INPP5D: variants seen among roughly 807,000 people sequenced by gnomAD.
The protein encoded by INPP5D is inositol polyphosphate-5-phosphatase D.
Under a neutral mutation model 122.9 loss-of-function variants are expected in INPP5D, and 33 were observed. The ratio of observed to expected loss-of-function variants is 0.27; its 90% CI spans 0.20 to 0.36. The LOEUF is 0.36. Ranked by LOEUF, INPP5D falls within the 10% of genes least tolerant of loss-of-function variation. The pLI is 1.00. For missense variants in INPP5D, 1,053 were observed against 1,412.7 expected (o/e 0.75, Z 4.08); for synonymous variants, 584 against 576.2 (o/e 1.01, Z -0.19).
chr2:233,175,417 T>A (rs1352453010), intron 17 of INPP5D, among the ~76,000 whole-genome samples: 2 of 152,132 alleles, frequency 1.3e-5, no homozygotes, highest in African/African-American at 4.8e-5. Flanking sequence ...TTATATACGT[T>A]CATATAAATT....
rs1308777478 is a variant in INPP5D, at chr2:233,176,981, AAAGT to A, written c.1990-280_1990-277del. On this transcript the variant is annotated intron_variant, in intron 17 of 26. Coordinates refer to ENST00000445964, the MANE Select transcript of INPP5D (RefSeq NM_001017915.3). ...GTGGGGGTTCATCTGAGTCAGAAAG[AAAGT>A]AAGAGAAGGTGAAGATACAAGGGAT... Among the ~76,000 whole-genome samples, 7 of 152,218 alleles carry A rather than the reference AAAGT, an allele frequency of 4.6e-5. No individual in the cohort carries two copies. In the East Asian group the frequency reaches 9.7e-4, roughly 21 times the overall value.
intron 1 of INPP5D, among the ~76,000 whole-genome samples, chr2:233,073,640 CAAAAAAAAAAAAA>C (rs752382722): frequency 2.3e-5 from 1 of 44,202 alleles, no homozygotes; most frequent in South Asian, 8.3e-4. Context: ...AACTCAATCT[CAAAAAAAAAAAAA>C]AAAAAAAAAA....
intron 25 of INPP5D, among the ~76,000 whole-genome samples, 153 bp downstream of exon 25, chr2:233,198,529 CT>C (rs1695246275): frequency 1.3e-5 from 2 of 152,244 alleles, no homozygotes; most frequent in South Asian, 4.1e-4. Flanking sequence ...CAGCAGGCCC[CT>C]GACATGTATG....
rs1160357196 is a variant in INPP5D at position 233,137,853 on chromosome 2, AATATATATATATATATAT to A, written c.666-1961_666-1944del. ...ATCACAAAAAAAAAAAAAAAAAAAA[AATATATATATATATATAT>A]ATATATATATATATATATATATATA... On this transcript the variant is annotated intron_variant, in intron 5 of 26. Coordinates refer to ENST00000445964, the MANE Select transcript of INPP5D (RefSeq NM_001017915.3). 3.5e-3 allele frequency among the ~76,000 whole-genome samples: 96 copies of A among 27,674 alleles called. 1 individual carries two copies. The highest frequency in any genetic ancestry group is 8.7e-3 in the African/African-American group (70 of 8,014). 18.2% of individuals were successfully genotyped at this position (27,674 alleles called of 152,430 possible).
chr2:233,111,298 A>T (rs1053911443), intron 2 of INPP5D, among the ~76,000 whole-genome samples: 2 of 152,162 alleles, frequency 1.3e-5, no homozygotes, highest in Admixed American at 6.5e-5. Flanking sequence ...AGTCTCAATA[A>T]CAATATATAC....
At position 233,128,276 on chromosome 2, in the gene INPP5D, G is replaced by A. The variant is rs1693221666; in HGVS notation, c.525-2232G>A. On this transcript the variant is annotated intron_variant, in intron 4 of 26. Transcript: ENST00000445964. The surrounding 1 kb of genome is among the most constrained non-coding windows in gnomAD (Gnocchi z 4.5). Reference sequence around the variant, plus strand: ...CCCACCACCCATCCGTGGAATAATTGTCTTCCACAAAACCGGTCCCTTGTG... The same window carrying A: ...CCCACCACCCATCCGTGGAATAATTATCTTCCACAAAACCGGTCCCTTGTG... 6.6e-6 allele frequency among the ~76,000 whole-genome samples: 1 copy of A among 152,172 alleles called. No homozygotes were observed. The highest frequency in any genetic ancestry group is 6.5e-5 in the Admixed American group (1 of 15,268).
chr2:233,134,818 C>A (rs1165077768), intron 5 of INPP5D, among the ~76,000 whole-genome samples: 1 of 152,008 alleles, frequency 6.6e-6, no homozygotes, highest in Non-Finnish European at 1.5e-5. Flanking sequence ...AAACCAAAAC[C>A]AAAAATACTT....
chr2:233,116,248 G>GATAGATAGATAGATATATAGATATAGAT (rs34084880), intron 2 of INPP5D, among the ~76,000 whole-genome samples: 1 of 135,194 alleles, frequency 7.4e-6, no homozygotes, highest in African/African-American at 3.1e-5. Flanking sequence ...TAGATAGATA[G>GATAGATAGATAGATATATAGATATAGAT]ATAGATATAG....
At chr2:233,174,580 C>T (rs1694571119) in intron 17 of INPP5D, among the ~76,000 whole-genome samples, 1 of 152,106 alleles carries the variant, frequency 6.6e-6, no homozygotes, top group African/African-American at 2.4e-5. Flanking sequence ...TCATTTGAGG[C>T]CAGGAGTTTG....
rs1027148174 is a variant in INPP5D at position 233,207,033 on chromosome 2, G to C, written c.*325G>C. 5 of 298,416 alleles carry C rather than the reference G, an allele frequency of 1.7e-5. No individual in the cohort carries two copies. The highest frequency in any genetic ancestry group is 6.6e-5 in the African/African-American group (3 of 45,412). 18.5% of individuals were successfully genotyped at this position (298,416 alleles called of 1,614,324 possible). ...GGAACTGCAGCGCCGATTTGAGGGT[G>C]GAGATATAGATAATAATAATATTAA... On this transcript the variant is annotated 3_prime_UTR_variant, in exon 27 of 27. Transcript: ENST00000445964. This position sits in a 1 kb window ranked among gnomAD's most constrained non-coding sequence, Gnocchi z 4.6.
chr2:233,150,647 CG>C (rs1350431666), intron 9 of INPP5D, among the ~76,000 whole-genome samples: 2 of 152,174 alleles, frequency 1.3e-5, no homozygotes, highest in African/African-American at 4.8e-5. Context: ...GAACTTTTGT[CG>C]GTTTAATGCA....
intron 2 of INPP5D, among the ~76,000 whole-genome samples, chr2:233,107,767 G>A (rs1289984826): frequency 2.6e-5 from 4 of 152,102 alleles, no homozygotes; most frequent in Non-Finnish European, 5.9e-5. Flanking sequence ...CCGGGTGTCT[G>A]GGGTGGGAGT....
chr2:233,101,595 T>C (rs1036164736), intron 2 of INPP5D, among the ~76,000 whole-genome samples: 9 of 146,000 alleles, frequency 6.2e-5, no homozygotes, highest in Non-Finnish European at 1.5e-5. Flanking sequence ...TAAAATCAAT[T>C]AATTATTAAA....
intron 4 of INPP5D, among the ~76,000 whole-genome samples, chr2:233,129,189 TAAATG>T (rs1693249907): frequency 6.6e-6 from 1 of 151,972 alleles, no homozygotes; most frequent in East Asian, 1.9e-4. Context: ...AATAAATAAA[TAAATG>T]AAGGCTTGTA....
At chr2:233,135,497 C>T (rs926745847) in intron 5 of INPP5D, among the ~76,000 whole-genome samples, 1 of 152,048 alleles carries the variant, frequency 6.6e-6, no homozygotes, top group South Asian at 2.1e-4. Context: ...GCCTAAATCT[C>T]TTACAATGTC....
chr2:233,106,081 T>G (rs1692461082), intron 2 of INPP5D, among the ~76,000 whole-genome samples: 1 of 152,322 alleles, frequency 6.6e-6, no homozygotes, highest in Middle Eastern at 3.4e-3. Context: ...AAGTATGTCA[T>G]GAAGTTTCAA....
chr2:233,117,304 C>T (rs1692830417), intron 2 of INPP5D, among the ~76,000 whole-genome samples: 1 of 152,122 alleles, frequency 6.6e-6, no homozygotes, highest in Non-Finnish European at 1.5e-5. Flanking sequence ...CATCGGGGGA[C>T]GCAGGCATTT....
At chr2:233,112,857 C>A (rs1692668761) in intron 2 of INPP5D, among the ~76,000 whole-genome samples, 1 of 152,046 alleles carries the variant, frequency 6.6e-6, no homozygotes, top group African/African-American at 2.4e-5. Flanking sequence ...AGGGTTTCAC[C>A]ATGTTGGCCA....
chr2:233,152,056 G>C (rs1237101853), intron 9 of INPP5D, among the ~76,000 whole-genome samples: 2 of 152,232 alleles, frequency 1.3e-5, no homozygotes, highest in Non-Finnish European at 2.9e-5. Flanking sequence ...TAAACCGGAT[G>C]CATGTGTTGG....
Sources: allele counts gnomAD v4.1 joint callset (sites outside exome capture counted in the v4.1 genomes callset), GRCh38; gene constraint gnomAD v4.1.1; non-coding constraint Gnocchi (gnomAD v3.1); transcripts MANE v1.5; gene names NCBI Gene and HGNC (gene_info 2026-07-23, HGNC 2026-07-21).